RFX2: variants seen among roughly 807,000 people sequenced by gnomAD.
RFX2 encodes the protein regulatory factor X2.
A neutral mutation model predicts 87.8 loss-of-function variants in RFX2; 20 were observed. The ratio of observed to expected loss-of-function variants is 0.23; its 90% confidence interval spans 0.16 to 0.33. RFX2 has a LOEUF of 0.33. RFX2 is among the 10% of genes least tolerant of loss of function. RFX2 has a pLI of 1.00. For synonymous variants in RFX2, 397 were observed against 431.3 expected, an observed-to-expected ratio of 0.92 and a Z score of 0.98; for missense variants, 767 against 1,012.3, an observed-to-expected ratio of 0.76 and a Z score of 3.29.
rs368384779 is a variant in RFX2, at chr19:6,011,181, C to G, written c.900-930G>C. ...AATAAAATAAAAGGGAGATTCTTTG[C>G]GTGAATCACAAACATCTTATTATTG... On this transcript the variant is annotated intron_variant, in intron 8 of 17. Transcript: ENST00000303657. This position sits in a 1 kb window ranked among gnomAD's most constrained non-coding sequence, Gnocchi z 4.8. Among the ~76,000 whole-genome samples the G allele has an allele frequency of 3.3e-5, 5 of 150,680 alleles. No homozygotes were observed. The highest frequency in any genetic ancestry group is 1.2e-4 in the African/African-American group (5 of 40,110).
intron 1 of RFX2, among the ~76,000 whole-genome samples, chr19:6,103,484 C>T (rs1349632319): frequency 2.0e-5 from 3 of 152,168 alleles, no homozygotes; most frequent in East Asian, 1.9e-4. Flanking sequence ...GGCCAGTCCC[C>T]GGCTCCAAGT....
At position 6,056,770 on chromosome 19, in the gene RFX2, C is replaced by T. The variant is rs1421528166; in HGVS notation, c.-8-9266G>A. On this transcript the variant is annotated intron_variant, in intron 1 of 17. Transcript: ENST00000303657. This position sits in a 1 kb window ranked among gnomAD's most constrained non-coding sequence, Gnocchi z 4.6. ...TTCTCGCGTTCCTTTGTCCTCTCTT[C>T]TGTTTTTCTTCCTGTGGCGAGGACC... 6.6e-6 allele frequency among the ~76,000 whole-genome samples: 1 copy of T among 152,224 alleles called. No homozygotes were observed. Among genetic ancestry groups the T allele is most frequent in the African/African-American group, 2.4e-5 (1 of 41,460 alleles).
chr19:6,106,328 T>C (rs1287267597), intron 1 of RFX2, among the ~76,000 whole-genome samples: 1 of 152,110 alleles, frequency 6.6e-6, no homozygotes, highest in Admixed American at 6.6e-5. Flanking sequence ...CATGAGAACA[T>C]GACCAGCAGA....
intron 1 of RFX2, chr19:6,072,775 CTCTT>C (rs2087627291): frequency 2.9e-6 from 2 of 693,340 alleles, no homozygotes; most frequent in Non-Finnish European, 5.0e-6. Context: ...AGGCCCCTCT[CTCTT>C]CAGTGCTGCC....
Position 5,997,373 on chromosome 19 carries a change from G to A in RFX2, c.1860-160C>T. On this transcript the variant is annotated intron_variant, in intron 15 of 17. Transcript: ENST00000303657. The surrounding 1 kb of genome is among the most constrained non-coding windows in gnomAD (Gnocchi z 4.2). The stretch of plus-strand genomic sequence containing the variant: ...GTGCAGGCCTACGCGGGGGCTGACG[G>A]GCTGCCGAGACCCTGGGCCCACGTG... 1 of 819,078 alleles carries A rather than the reference G, an allele frequency of 1.2e-6. No homozygotes were observed. Among genetic ancestry groups the A allele is most frequent in the Non-Finnish European group, 1.8e-6 (1 of 548,862 alleles). 50.7% of individuals were successfully genotyped at this position (819,078 alleles called of 1,614,324 possible).
intron 1 of RFX2, among the ~76,000 whole-genome samples, chr19:6,068,930 G>T (rs1255086436): frequency 6.6e-6 from 1 of 152,140 alleles, no homozygotes; most frequent in Non-Finnish European, 1.5e-5. Flanking sequence ...AGGGAGGGGG[G>T]CCTGGCTGTG....
At position 6,045,509 on chromosome 19, in the gene RFX2, G is replaced by A. The variant is rs942868227; in HGVS notation, c.91-1227C>T. 3.3e-5 allele frequency among the ~76,000 whole-genome samples: 5 copies of A among 152,192 alleles called. No homozygotes were observed. Among genetic ancestry groups the A allele is most frequent in the African/African-American group, 1.2e-4 (5 of 41,436 alleles). ...ATTAGGCCACAACTGCTGGCAGGGCGACGGCGTCTGATCCTCACCTCAGAT... is the reference window on the plus strand; with the variant it reads ...ATTAGGCCACAACTGCTGGCAGGGCAACGGCGTCTGATCCTCACCTCAGAT... On this transcript the variant is annotated intron_variant, in intron 2 of 17. Transcript: ENST00000303657. This position sits in a 1 kb window ranked among gnomAD's most constrained non-coding sequence, Gnocchi z 5.2.
rs570832172 is a variant in RFX2 at position 6,024,725 on chromosome 19, G to A, written c.597+1438C>T. Among the ~76,000 whole-genome samples, 13 of 151,500 alleles carry A rather than the reference G, an allele frequency of 8.6e-5. No homozygotes were observed. Among genetic ancestry groups the A allele is most frequent in the Admixed American group, 3.3e-4 (5 of 15,226 alleles). On this transcript the variant is annotated intron_variant, in intron 6 of 17. Transcript: ENST00000303657. The surrounding 1 kb of genome is among the most constrained non-coding windows in gnomAD (Gnocchi z 5.0). ...GTCAGGATGGAATCACAGTGAGGAC[G>A]GGAGTGAGGACGGGATCACGGTGAG...
Position 6,091,402 on chromosome 19 carries a change from C to T in RFX2, c.-9+18991G>A, listed in dbSNP as rs187125931. ...GGTGGAGGCTGCAATAAGCCATGAT[C>T]GCACCACCCCACTGCAGCCTGGGCG... On this transcript the variant is annotated intron_variant, in intron 1 of 17. Transcript: ENST00000303657. Among the ~76,000 whole-genome samples, 9 of 151,130 alleles carry T rather than the reference C, an allele frequency of 6.0e-5. No individual in the cohort carries two copies. In the East Asian group the frequency reaches 1.4e-3, roughly 23 times the overall value.
Position 6,047,767 on chromosome 19 carries a change from C to A in RFX2, c.-8-263G>T, listed in dbSNP as rs74490093. Among the ~76,000 whole-genome samples, 683 of 152,314 alleles carry A rather than the reference C, an allele frequency of 4.5e-3. 8 individuals are homozygous for A. The East Asian group carries it at 0.071, about 16-fold the overall frequency. On this transcript the variant is annotated intron_variant, in intron 1 of 17. Transcript: ENST00000303657. This position sits in a 1 kb window ranked among gnomAD's most constrained non-coding sequence, Gnocchi z 4.2. ...CTGTCAGCGCACAATGGCAGGAATTCCTCAACAGAAGGCCGGGACACTGGC... is the reference window on the plus strand; with the variant it reads ...CTGTCAGCGCACAATGGCAGGAATTACTCAACAGAAGGCCGGGACACTGGC...
At chr19:6,008,372 T>C in intron 9 of RFX2, 148 bp from the exon 10 acceptor site, 1 of 480,818 alleles carries the variant, frequency 2.1e-6, no homozygotes, top group East Asian at 3.3e-5. Context: ...TCTTTTTCTT[T>C]TTCTTTTTTT....
At position 6,056,994 on chromosome 19, in the gene RFX2, G is replaced by A. The variant is rs953681289; in HGVS notation, c.-8-9490C>T. Among the ~76,000 whole-genome samples the A allele has an allele frequency of 6.6e-6, 1 of 152,070 alleles. No homozygotes were observed. Among genetic ancestry groups the A allele is most frequent in the Non-Finnish European group, 1.5e-5 (1 of 68,002 alleles). On this transcript the variant is annotated intron_variant, in intron 1 of 17. Coordinates refer to ENST00000303657, the MANE Select transcript of RFX2 (RefSeq NM_000635.4). The surrounding 1 kb of genome is among the most constrained non-coding windows in gnomAD (Gnocchi z 4.6). ...ATGCCCGGAGTGCTGTTTATAAGCT[G>A]AGCACGTTTCATTTACCATCTGGTC... is the stretch of plus-strand genomic sequence containing the variant.
At chr19:6,008,670 C>T (rs1159152453) in intron 9 of RFX2, among the ~76,000 whole-genome samples, 2 of 145,126 alleles carry the variant, frequency 1.4e-5, no homozygotes, top group Non-Finnish European at 3.0e-5. Flanking sequence ...CCACCATGCC[C>T]GGCCATTTTT....
chr19:5,995,251 C>T (rs1447474754), intron 17 of RFX2, among the ~76,000 whole-genome samples: 3 of 152,278 alleles, frequency 2.0e-5, no homozygotes, highest in East Asian at 3.9e-4. Context: ...TCCTCCCACC[C>T]GCATGGGACA....
intron 1 of RFX2, among the ~76,000 whole-genome samples, chr19:6,087,055 G>A (rs1339002469): frequency 6.6e-6 from 1 of 152,012 alleles, no homozygotes; most frequent in East Asian, 1.9e-4. Flanking sequence ...ATTCAGACGA[G>A]CTTCGTTGTA....
chr19:6,034,379 C>T (rs2086993437), intron 5 of RFX2, among the ~76,000 whole-genome samples: 1 of 152,100 alleles, frequency 6.6e-6, no homozygotes, highest in African/African-American at 2.4e-5. Flanking sequence ...CAGGTGCGCA[C>T]CACCACACCT....
chr19:6,110,246 G>A lies in RFX2; in HGVS notation c.-9+147C>T, dbSNP rs1440417974. On this transcript the variant is annotated intron_variant, in intron 1 of 17. Transcript: ENST00000303657. This position sits in a 1 kb window ranked among gnomAD's most constrained non-coding sequence, Gnocchi z 4.3. ...ACTCCGCCGCGCGCGCGGACGGGGT[G>A]GCGGAGGCGGGTCCCGCGGGCGCAC... 6.6e-6 allele frequency: 1 copy of A among 151,738 alleles called. No homozygotes were observed. The highest frequency in any genetic ancestry group is 6.6e-5 in the Admixed American group (1 of 15,250). The allele number at this position is 151,738 out of a possible 1,614,324, so 9.4% of individuals were successfully genotyped here. A position where few individuals can be genotyped will look rare whatever the true frequency, so the allele number is the denominator to read the frequency against.
rs2086896677 is a variant in RFX2, at chr19:6,026,934, C to G, written c.523-697G>C. ...GAGGAAGGGGCTTTTGAGTTGGATC[C>G]TGAAGGACCTGATGGAGGTGGGGAG... On this transcript the variant is annotated intron_variant, in intron 5 of 17. Coordinates refer to ENST00000303657, the MANE Select transcript of RFX2 (RefSeq NM_000635.4). The surrounding 1 kb of genome is among the most constrained non-coding windows in gnomAD (Gnocchi z 4.5). 1.3e-5 allele frequency among the ~76,000 whole-genome samples: 2 copies of G among 152,160 alleles called. No homozygotes were observed. Among genetic ancestry groups the G allele is most frequent in the South Asian group, 4.1e-4 (2 of 4,832 alleles).
intron 3 of RFX2, 117 bp from the exon 4 acceptor site, chr19:6,042,240 T>C (rs2087120897): frequency 1.1e-6 from 1 of 889,578 alleles, no homozygotes; most frequent in Non-Finnish European, 1.8e-6. Flanking sequence ...CAAATGACAA[T>C]GTTCCCGCCC....
Sources: allele counts gnomAD v4.1 joint callset (sites outside exome capture counted in the v4.1 genomes callset), GRCh38; gene constraint gnomAD v4.1.1; non-coding constraint Gnocchi (gnomAD v3.1); transcripts MANE v1.5; gene names NCBI Gene and HGNC (gene_info 2026-07-23, HGNC 2026-07-21).